DLGAP2: variants seen among roughly 807,000 people sequenced by gnomAD.
DLGAP2 encodes disks large-associated protein 2.
DLGAP2 carries 26 observed loss-of-function variants against 100.3 expected under a neutral mutation model. The observed-to-expected ratio is 0.26, with a 90% CI of 0.19 to 0.36. The LOEUF (loss-of-function observed/expected upper bound fraction) is 0.36, where lower values mean the gene tolerates loss of function less well. Among genes scored for constraint, DLGAP2 ranks in the 10% least tolerant of loss-of-function variants. The probability of loss-of-function intolerance (pLI) is 1.00; values close to 1 mark genes in which losing one functional copy is unlikely to be tolerated. For missense variants in DLGAP2, 1,858 were observed against 1,453.2 expected, an observed-to-expected ratio of 1.28 and a Z score of -4.53; for synonymous variants, 886 against 630.1, an observed-to-expected ratio of 1.41 and a Z score of -6.08.
intron 4 of DLGAP2, among the ~76,000 whole-genome samples, chr8:1,526,455 G>A (rs1055961275): frequency 2.6e-5 from 4 of 151,958 alleles, no homozygotes; most frequent in African/African-American, 4.8e-5. Context: ...CTTAGACTCC[G>A]GAGCCCAGGA....
intron 2 of DLGAP2, among the ~76,000 whole-genome samples, chr8:928,040 C>T (rs542291819): frequency 2.6e-5 from 4 of 152,136 alleles, no homozygotes; most frequent in Non-Finnish European, 4.4e-5. Flanking sequence ...CCCGGGAGAA[C>T]GGGACCAGAG....
At chr8:1,658,018 A>G (rs563203510) in intron 8 of DLGAP2, among the ~76,000 whole-genome samples, 5 of 152,262 alleles carry the variant, frequency 3.3e-5, no homozygotes, top group African/African-American at 9.6e-5. Flanking sequence ...GCAGAATGCA[A>G]TCGGTTCTGT....
intron 3 of DLGAP2, among the ~76,000 whole-genome samples, chr8:1,279,093 A>G (rs1563057967): frequency 2.6e-5 from 4 of 152,232 alleles, no homozygotes; most frequent in Admixed American, 6.5e-5. Context: ...CAAGAACAAA[A>G]TAGTATTTTT....
chr8:1,258,010 T>C (rs1799265446), intron 2 of DLGAP2, among the ~76,000 whole-genome samples: 1 of 152,262 alleles, frequency 6.6e-6, no homozygotes, highest in Non-Finnish European at 1.5e-5. Flanking sequence ...GTGCACTTGC[T>C]ACAGCTTCCT....
intron 2 of DLGAP2, among the ~76,000 whole-genome samples, chr8:1,079,678 A>C (rs1803735822): frequency 6.6e-6 from 1 of 152,214 alleles, no homozygotes; most frequent in Admixed American, 6.5e-5. Flanking sequence ...GAGACAATTA[A>C]AATATGATTC....
chr8:1,527,020 A>G (rs1320487835), intron 4 of DLGAP2, among the ~76,000 whole-genome samples: 1 of 152,064 alleles, frequency 6.6e-6, no homozygotes, highest in African/African-American at 2.4e-5. Context: ...CATCGTCTAC[A>G]TTGCAGGCTC....
intron 2 of DLGAP2, among the ~76,000 whole-genome samples, chr8:1,127,335 A>G (rs1002845578): frequency 6.6e-6 from 1 of 152,012 alleles, no homozygotes; most frequent in Non-Finnish European, 1.5e-5. Flanking sequence ...ATGAGGGGTC[A>G]TGGAACGGGC....
At chr8:844,053 T>C (rs1797029472) in intron 1 of DLGAP2, among the ~76,000 whole-genome samples, 1 of 152,254 alleles carries the variant, frequency 6.6e-6, no homozygotes, top group Non-Finnish European at 1.5e-5. Flanking sequence ...AAAATGTTTT[T>C]GATATGGAGT....
chr8:1,386,713 G>A (rs935512931), intron 3 of DLGAP2, among the ~76,000 whole-genome samples: 40 of 152,312 alleles, frequency 2.6e-4, no homozygotes, highest in South Asian at 1.9e-3. Flanking sequence ...CAGGTTAGCA[G>A]CTGAGGAGAT....
intron 6 of DLGAP2, among the ~76,000 whole-genome samples, chr8:1,589,136 A>G (rs1796216086): frequency 6.6e-6 from 1 of 152,186 alleles, no homozygotes; most frequent in South Asian, 2.1e-4. Context: ...GTTGAATTGT[A>G]TTTTCTTTTA....
At chr8:1,163,669 C>T (rs879283282) in intron 2 of DLGAP2, among the ~76,000 whole-genome samples, 1 of 152,130 alleles carries the variant, frequency 6.6e-6, no homozygotes, top group Admixed American at 6.5e-5. Context: ...GGCCGGGGAT[C>T]GAGAAAACGC....
At chr8:920,734 G>A (rs904980031) in intron 2 of DLGAP2, among the ~76,000 whole-genome samples, 2 of 152,160 alleles carry the variant, frequency 1.3e-5, no homozygotes, top group East Asian at 1.9e-4. Context: ...CAGCCTGGGC[G>A]ACAGAGCGGG....
chr8:1,467,074 C>G (rs370647794), intron 3 of DLGAP2, among the ~76,000 whole-genome samples: 1 of 139,864 alleles, frequency 7.1e-6, no homozygotes, highest in East Asian at 2.0e-4. Context: ...TGCCCGGCCC[C>G]GGGACCAGGA....
At chr8:1,205,108 G>C (rs544338166) in intron 2 of DLGAP2, among the ~76,000 whole-genome samples, 2 of 152,206 alleles carry the variant, frequency 1.3e-5, no homozygotes, top group South Asian at 4.1e-4. Flanking sequence ...TCAAGGAGGG[G>C]CCAGGTGGGA....
At chr8:1,654,931 T>A (rs1474352948) in intron 8 of DLGAP2, among the ~76,000 whole-genome samples, 1 of 152,224 alleles carries the variant, frequency 6.6e-6, no homozygotes, top group Non-Finnish European at 1.5e-5. Flanking sequence ...ATTCTCAGTG[T>A]TCTTCAGAAA....
At chr8:807,011 C>G (rs1452433193) in intron 1 of DLGAP2, among the ~76,000 whole-genome samples, 3 of 152,186 alleles carry the variant, frequency 2.0e-5, no homozygotes, top group African/African-American at 7.2e-5. Flanking sequence ...CACCCTGAAT[C>G]TCCTACCTGG....
In DLGAP2 at chr8:1,643,962, GCCC is replaced by G. The variant is rs1275603381; in HGVS notation, c.1810+10917_1810+10919del. ...ACCTGTGTCACCCTCGACCCCGCCG[GCCC>G]TCACCTGTGTCACCCTCGACCCCGC... On this transcript the variant is annotated intron_variant, in intron 8 of 14. Coordinates refer to ENST00000637795, the MANE Select transcript of DLGAP2 (RefSeq NM_001346810.2). 5.4e-5 allele frequency among the ~76,000 whole-genome samples: 2 copies of G among 36,934 alleles called. 1 individual carries two copies. Among genetic ancestry groups the G allele is most frequent in the African/African-American group, 3.6e-4 (2 of 5,608 alleles). The allele number at this position is 36,934 out of a possible 152,430, so 24.2% of individuals were successfully genotyped here. A position where few individuals can be genotyped will look rare whatever the true frequency, so the allele number is the denominator to read the frequency against.
At chr8:1,543,967 A>C (rs747868030) in intron 4 of DLGAP2, among the ~76,000 whole-genome samples, 2 of 152,040 alleles carry the variant, frequency 1.3e-5, no homozygotes, top group African/African-American at 2.4e-5. Flanking sequence ...CAGTGATGCA[A>C]GCTTGGCTCA....
At chr8:1,628,915 T>A (rs905534434) in intron 7 of DLGAP2, among the ~76,000 whole-genome samples, 2 of 152,234 alleles carry the variant, frequency 1.3e-5, no homozygotes, top group African/African-American at 4.8e-5. Flanking sequence ...GGCGTGACAA[T>A]GGAAGTACAC....
Sources: gnomAD v4.1 joint callset for allele counts (sites outside exome capture counted in the v4.1 genomes callset) on GRCh38, gnomAD v4.1.1 for gene constraint, MANE v1.5 for transcripts, NCBI Gene and HGNC (gene_info 2026-07-23, HGNC 2026-07-21) for gene names.